DLG2: variants seen among roughly 807,000 people sequenced by gnomAD.
DLG2 encodes the protein disks large homolog 2.
Under a neutral mutation model 132.5 loss-of-function variants are expected in DLG2, and 45 were observed. That is an observed-to-expected ratio of 0.34 (90% CI 0.27 to 0.44). The LOEUF (loss-of-function observed/expected upper bound fraction) is 0.44, where lower values mean the gene tolerates loss of function less well. DLG2 is among the 20% of genes least tolerant of loss of function. The pLI, the probability that DLG2 is intolerant of heterozygous loss-of-function variation, is 1.00. For synonymous variants in DLG2, 424 were observed against 419.6 expected (o/e 1.01, Z -0.13); for missense variants, 1,045 against 1,196.9 (o/e 0.87, Z 1.87).
chr11:84,513,735 G>A (rs552330478), intron 7 of DLG2, among the ~76,000 whole-genome samples: 67 of 150,560 alleles, frequency 4.5e-4, no homozygotes, highest in African/African-American at 1.6e-3. Flanking sequence ...AGCATCACAA[G>A]AAAACATTGA....
At chr11:83,520,872 A>G (rs2095462304) in intron 21 of DLG2, among the ~76,000 whole-genome samples, 1 of 152,180 alleles carries the variant, frequency 6.6e-6, no homozygotes. Context: ...CACTTTACAT[A>G]GGAGTAACTG....
At chr11:85,060,541 G>A (rs534883619) in intron 6 of DLG2, among the ~76,000 whole-genome samples, 17 of 150,022 alleles carry the variant, frequency 1.1e-4, no homozygotes, top group Non-Finnish European at 2.2e-4. Flanking sequence ...ATATATACAC[G>A]CGTACATATA....
At chr11:85,534,252 C>G (rs563961109) in intron 3 of DLG2, among the ~76,000 whole-genome samples, 2 of 152,186 alleles carry the variant, frequency 1.3e-5, no homozygotes, top group Admixed American at 1.3e-4. Flanking sequence ...CTGGTCTACT[C>G]TCAGTATTTT....
At chr11:84,479,007 T>C (rs2099129532) in intron 7 of DLG2, among the ~76,000 whole-genome samples, 2 of 152,088 alleles carry the variant, frequency 1.3e-5, no homozygotes. Context: ...CTTTAGTCCA[T>C]TATAATTCTA....
At chr11:85,450,827 A>G (rs905070660) in intron 3 of DLG2, among the ~76,000 whole-genome samples, 1 of 152,068 alleles carries the variant, frequency 6.6e-6, no homozygotes, top group African/African-American at 2.4e-5. Context: ...CTCAGCTTCC[A>G]TAACTCTATA....
intron 21 of DLG2, among the ~76,000 whole-genome samples, chr11:83,514,292 T>C (rs533558008): frequency 2.6e-4 from 39 of 152,316 alleles, no homozygotes; most frequent in African/African-American, 8.9e-4. Flanking sequence ...TTTGAAGCAA[T>C]TGTGAATGGG....
chr11:84,597,692 G>C (rs1419417151), intron 6 of DLG2, among the ~76,000 whole-genome samples: 1 of 152,102 alleles, frequency 6.6e-6, no homozygotes, highest in Non-Finnish European at 1.5e-5. Context: ...ATCTCCAAAA[G>C]CTTGCTTTGA....
At chr11:84,535,992 C>T (rs996736513) in intron 6 of DLG2, among the ~76,000 whole-genome samples, 1 of 145,686 alleles carries the variant, frequency 6.9e-6, no homozygotes, top group Non-Finnish European at 1.5e-5. Context: ...AGCTCTCAGA[C>T]TGACTCATAG....
intron 6 of DLG2, among the ~76,000 whole-genome samples, chr11:84,794,822 T>C (rs2074344309): frequency 6.6e-6 from 1 of 152,206 alleles, no homozygotes; most frequent in Non-Finnish European, 1.5e-5. Context: ...CCCTCTGGAC[T>C]TTGGCTGCTG....
At chr11:83,583,816 T>G (rs750920509) in intron 19 of DLG2, among the ~76,000 whole-genome samples, 1 of 152,194 alleles carries the variant, frequency 6.6e-6, no homozygotes, top group African/African-American at 2.4e-5. Flanking sequence ...CTTTATATAC[T>G]GAAAGAAAAT....
intron 6 of DLG2, among the ~76,000 whole-genome samples, chr11:85,000,480 T>G (rs1236262951): frequency 1.3e-5 from 2 of 152,204 alleles, no homozygotes; most frequent in Non-Finnish European, 2.9e-5. Context: ...TCAGTTAATA[T>G]TTCTGAATCT....
intron 7 of DLG2, among the ~76,000 whole-genome samples, chr11:84,255,611 C>T (rs976615569): frequency 3.9e-5 from 6 of 152,166 alleles, no homozygotes; most frequent in Admixed American, 1.3e-4. Flanking sequence ...GTGTGAGCCA[C>T]CACGTCCGGC....
intron 7 of DLG2, among the ~76,000 whole-genome samples, chr11:84,318,098 A>T (rs183828714): frequency 4.1e-4 from 62 of 152,308 alleles, no homozygotes; most frequent in African/African-American, 1.4e-3. Context: ...TTAAAGTGAA[A>T]GATGCATCCA....
chr11:85,262,992 T>A (rs1305946000), intron 4 of DLG2, among the ~76,000 whole-genome samples: 1 of 152,152 alleles, frequency 6.6e-6, no homozygotes, highest in African/African-American at 2.4e-5. Context: ...AAGGGCTTTG[T>A]CCCATGGTGG....
At chr11:85,277,918 T>C (rs1206796374) in intron 4 of DLG2, among the ~76,000 whole-genome samples, 1 of 152,152 alleles carries the variant, frequency 6.6e-6, no homozygotes, top group African/African-American at 2.4e-5. Flanking sequence ...ATACTGCCAG[T>C]TTAATCTGCC....
chr11:83,620,379 G>C (rs545623255), intron 19 of DLG2, among the ~76,000 whole-genome samples: 24 of 152,150 alleles, frequency 1.6e-4, no homozygotes, highest in Non-Finnish European at 2.6e-4. Flanking sequence ...AATGTAGAAA[G>C]AATGACAACT....
At chr11:85,624,681 CATA>C (rs1362189755) in intron 2 of DLG2, among the ~76,000 whole-genome samples, 1 of 152,120 alleles carries the variant, frequency 6.6e-6, no homozygotes, top group Non-Finnish European at 1.5e-5. Context: ...GAATATGTAT[CATA>C]ATACTAGCAG....
chr11:83,912,924 G>A (rs1195769123), intron 15 of DLG2, among the ~76,000 whole-genome samples: 1 of 152,022 alleles, frequency 6.6e-6, no homozygotes, highest in Admixed American at 6.6e-5. Flanking sequence ...AGAGCTTAAG[G>A]AGCCAATTTA....
At chr11:83,481,451 A>AGTT (rs2093101463) in intron 22 of DLG2, among the ~76,000 whole-genome samples, 1 of 152,144 alleles carries the variant, frequency 6.6e-6, no homozygotes, top group South Asian at 2.1e-4. Flanking sequence ...AAGTGACAAT[A>AGTT]GTTATACATT....
Sources: gnomAD v4.1 joint callset for allele counts (sites outside exome capture counted in the v4.1 genomes callset) on GRCh38, gnomAD v4.1.1 for gene constraint, MANE v1.5 for transcripts, NCBI Gene and HGNC (gene_info 2026-07-23, HGNC 2026-07-21) for gene names.